EIF5B: variants seen among roughly 807,000 people sequenced by gnomAD.
EIF5B encodes eIF-5B.
In EIF5B, 47 loss-of-function variants were observed where a neutral mutation model predicts 147.5. The observed-to-expected ratio is 0.32, with a 90% CI of 0.25 to 0.41. EIF5B has a LOEUF of 0.41. Among genes scored for constraint, EIF5B ranks in the 10% least tolerant of loss-of-function variants. The pLI is 1.00. For synonymous variants in EIF5B, 455 were observed against 456.2 expected, an observed-to-expected ratio of 1.00 and a Z score of 0.03; for missense variants, 1,064 against 1,413.2, an observed-to-expected ratio of 0.75 and a Z score of 3.96.
At chr2:99,398,246 ACT>A (rs1329940656) in intron 22 of EIF5B, 1 of 151,880 alleles carries the variant, frequency 6.6e-6, no homozygotes, top group East Asian at 1.9e-4. Context: ...CCCTGTTTTC[ACT>A]CTTACTCTCC....
chr2:99,337,486 A>T lies in EIF5B; in HGVS notation c.-69A>T. The T allele has an allele frequency of 6.3e-7, 1 of 1,578,462 alleles. No individual in the cohort carries two copies. The highest frequency in any genetic ancestry group is 8.6e-7 in the Non-Finnish European group (1 of 1,161,296). On this transcript the variant is annotated 5_prime_UTR_variant, in exon 1 of 24. Coordinates refer to ENST00000289371, the MANE Select transcript of EIF5B (RefSeq NM_015904.4). ...AAAGAGCTGAGCGGAGACCAAAGTC[A>T]GCCGGGAGACAGTGGGTCTGTGAGA...
intron 14 of EIF5B, 76 bp downstream of exon 14, chr2:99,382,997 T>G: frequency 6.9e-7 from 1 of 1,443,356 alleles, no homozygotes; most frequent in Non-Finnish European, 9.2e-7. Context: ...AGTAGTATAA[T>G]TAACTTACAA....
intron 22 of EIF5B, chr2:99,397,498 G>C (rs998554498): frequency 2.6e-5 from 4 of 152,030 alleles, no homozygotes; most frequent in Admixed American, 2.6e-4. Flanking sequence ...CATTCTTTTT[G>C]AAGTGTCCCT....
Position 99,382,246 on chromosome 2 carries a change from T to C in EIF5B, c.2129+20T>C. 1 of 1,606,180 alleles carries C rather than the reference T, an allele frequency of 6.2e-7. No individual in the cohort carries two copies. The highest frequency in any genetic ancestry group is 8.5e-7 in the Non-Finnish European group (1 of 1,173,716). On this transcript the variant is annotated intron_variant, in intron 13 of 23. Transcript: ENST00000289371. The stretch of plus-strand genomic sequence containing the variant: ...TTTCAGGTAAGAGCAATTTGAGTCT[T>C]TTCTCATCAAGCAATCTACTTGAAA...
Position 99,399,454 on chromosome 2 carries a change from T to C in EIF5B, c.*40T>C. The C allele has an allele frequency of 6.4e-7, 1 of 1,567,874 alleles. No homozygotes were observed. Among genetic ancestry groups the C allele is most frequent in the South Asian group, 1.1e-5 (1 of 89,676 alleles). ...GCAGGAACTGGAGTAAATGCAATAC[T>C]GTGTTGTAATATCCCAACAAAAATC... On this transcript the variant is annotated 3_prime_UTR_variant, in exon 24 of 24. Coordinates refer to ENST00000289371, the MANE Select transcript of EIF5B (RefSeq NM_015904.4).
At chr2:99,382,709 A>C in intron 13 of EIF5B, 71 bp from the exon 14 acceptor site, 2 of 1,411,316 alleles carry the variant, frequency 1.4e-6, no homozygotes, top group Non-Finnish European at 1.9e-6. Flanking sequence ...TTTACAGAGA[A>C]GTTTAAAAGT....
chr2:99,354,391 A>G (rs1674047656), intron 1 of EIF5B, among the ~76,000 whole-genome samples: 1 of 151,884 alleles, frequency 6.6e-6, no homozygotes, highest in African/African-American at 2.4e-5. Context: ...GTTTGGATTT[A>G]TTTTACTGTT....
intron 17 of EIF5B, 96 bp downstream of exon 17, chr2:99,390,801 A>T: frequency 7.6e-7 from 1 of 1,314,576 alleles, no homozygotes; most frequent in Non-Finnish European, 1.0e-6. Context: ...TGTTTGACTT[A>T]ATACAGAACA....
intron 21 of EIF5B, among the ~76,000 whole-genome samples, chr2:99,395,498 TA>T (rs1396548628): frequency 6.6e-6 from 1 of 152,222 alleles, no homozygotes; most frequent in Non-Finnish European, 1.5e-5. Context: ...TATGCCTGGC[TA>T]ATTTTTTGTA....
chr2:99,371,281 G>C (rs1393828234), intron 8 of EIF5B: 2 of 160,972 alleles, frequency 1.2e-5, no homozygotes, highest in African/African-American at 4.8e-5. Flanking sequence ...AAGGTCAGCA[G>C]ATCGAGACAA....
intron 1 of EIF5B, among the ~76,000 whole-genome samples, chr2:99,348,089 G>A (rs913646604): frequency 6.6e-6 from 1 of 152,014 alleles, no homozygotes; most frequent in Non-Finnish European, 1.5e-5. Context: ...TATGTGTATC[G>A]GGGGCGTCTA....
At chr2:99,379,514 A>AGG in intron 12 of EIF5B, 86 bp downstream of exon 12, 2 of 1,010,122 alleles carry the variant, frequency 2.0e-6, no homozygotes. Context: ...GACAGAGACT[A>AGG]GGATAACAGC....
intron 8 of EIF5B, 89 bp downstream of exon 8, chr2:99,369,570 T>A: frequency 9.5e-7 from 1 of 1,052,796 alleles, no homozygotes. Flanking sequence ...TATAAATAAT[T>A]GGGGAGAACC....
intron 1 of EIF5B, among the ~76,000 whole-genome samples, chr2:99,350,031 G>A (rs1264916396): frequency 6.6e-6 from 1 of 152,114 alleles, no homozygotes; most frequent in Non-Finnish European, 1.5e-5. Context: ...ATATGAATGA[G>A]ATCATGCAGT....
At chr2:99,363,427 A>G (rs1313053397) in intron 4 of EIF5B, among the ~76,000 whole-genome samples, 1 of 152,190 alleles carries the variant, frequency 6.6e-6, no homozygotes, top group Non-Finnish European at 1.5e-5. Flanking sequence ...TGAGACCAAC[A>G]TCAGTATTGC....
chr2:99,343,256 TG>T (rs1247353344), intron 1 of EIF5B, among the ~76,000 whole-genome samples: 5 of 151,396 alleles, frequency 3.3e-5, no homozygotes, highest in Admixed American at 6.6e-5. Flanking sequence ...GCACCCAGCC[TG>T]GGTTGTATTT....
At chr2:99,369,560 T>A in intron 8 of EIF5B, 79 bp downstream of exon 8, 1 of 1,202,330 alleles carries the variant, frequency 8.3e-7, no homozygotes, top group Non-Finnish European at 1.2e-6. Flanking sequence ...TCTTAGTTAT[T>A]ATAAATAATT....
Position 99,361,805 on chromosome 2 carries a change from C to G in EIF5B, c.904C>G (p.Pro302Ala). Residue 302 changes from proline (P) to alanine (A), a missense_variant, in exon 4 of 24, where the codon CCC (proline) becomes GCC (alanine). Coordinates refer to ENST00000289371, the MANE Select transcript of EIF5B (RefSeq NM_015904.4). ...TGCCTCTGAAGAGAAAGCAGAGACT[C>G]CCACAGCTGCAGAAGGTTGGTTAAT... is the stretch of plus-strand genomic sequence containing the variant. ...IPASEEKAET[P>A]TAAEDDNEGD... The G allele has an allele frequency of 1.9e-6, 3 of 1,548,188 alleles. No homozygotes were observed. Among genetic ancestry groups the G allele is most frequent in the Non-Finnish European group, 2.6e-6 (3 of 1,158,276 alleles).
At chr2:99,338,124 A>G (rs1477587735) in intron 1 of EIF5B, among the ~76,000 whole-genome samples, 2 of 152,054 alleles carry the variant, frequency 1.3e-5, no homozygotes, top group Non-Finnish European at 2.9e-5. Context: ...CGTTTATTTA[A>G]GGGCTGATTG....
Sources: gnomAD v4.1 joint callset for allele counts (sites outside exome capture counted in the v4.1 genomes callset) on GRCh38, gnomAD v4.1.1 for gene constraint, MANE v1.5 for transcripts, NCBI Gene and HGNC (gene_info 2026-07-23, HGNC 2026-07-21) for gene names.